CREB3L2: variants seen among roughly 807,000 people sequenced by gnomAD.
CREB3L2 encodes the protein cAMP responsive element binding protein 3 like 2.
CREB3L2 carries 23 observed loss-of-function variants against 57.2 expected under a neutral mutation model. The ratio of observed to expected loss-of-function variants is 0.40; its 90% CI spans 0.29 to 0.57. CREB3L2 has a LOEUF of 0.57. Among genes scored for constraint, CREB3L2 ranks in the 20% least tolerant of loss-of-function variants. The pLI is 0.42. For missense variants in CREB3L2, 628 were observed against 634.7 expected (o/e 0.99, Z 0.11); for synonymous variants, 268 against 265.1 (o/e 1.01, Z -0.11).
At chr7:137,901,814 T>C (rs961842439) in intron 7 of CREB3L2, among the ~76,000 whole-genome samples, 1 of 126,732 alleles carries the variant, frequency 7.9e-6, no homozygotes, top group South Asian at 2.6e-4. Flanking sequence ...AGGAGTCAGA[T>C]GTTGCAGTGA....
chr7:137,885,515 A>T lies in CREB3L2; in HGVS notation c.1044-13T>A, dbSNP rs776679403. ...CTGAAGGAGAGTCCTGCCAATGATAACAACAGCCGTGAGGGGAGTCTGACA... is the reference window on the plus strand; with the variant it reads ...CTGAAGGAGAGTCCTGCCAATGATATCAACAGCCGTGAGGGGAGTCTGACA... On this transcript the variant is annotated splice_polypyrimidine_tract_variant and intron_variant, in intron 8 of 11. Coordinates refer to ENST00000330387, the MANE Select transcript of CREB3L2 (RefSeq NM_194071.4). 1 of 1,599,284 alleles carries T rather than the reference A, an allele frequency of 6.3e-7. No homozygotes were observed.
intron 2 of CREB3L2, among the ~76,000 whole-genome samples, chr7:137,926,458 A>G (rs1394303545): frequency 1.3e-5 from 2 of 152,214 alleles, no homozygotes; most frequent in South Asian, 2.1e-4. Flanking sequence ...GGAAACCATC[A>G]TCCTCAGCAA....
chr7:137,951,040 A>G (rs1801083487), intron 1 of CREB3L2, among the ~76,000 whole-genome samples: 1 of 152,202 alleles, frequency 6.6e-6, no homozygotes, highest in Non-Finnish European at 1.5e-5. Flanking sequence ...GAGTGGCAAA[A>G]AATTTGAGTC....
chr7:137,928,892 G>C (rs1367198491), intron 1 of CREB3L2, among the ~76,000 whole-genome samples: 1 of 152,210 alleles, frequency 6.6e-6, no homozygotes, highest in Non-Finnish European at 1.5e-5. Flanking sequence ...GAATGGCAGA[G>C]TCACAATGCA....
At chr7:137,984,314 G>C (rs1417424081) in intron 1 of CREB3L2, among the ~76,000 whole-genome samples, 1 of 152,210 alleles carries the variant, frequency 6.6e-6, no homozygotes, top group Non-Finnish European at 1.5e-5. Flanking sequence ...TTTGCAGCTA[G>C]GGATGGCCAG....
At chr7:137,984,058 G>A (rs1801754803) in intron 1 of CREB3L2, among the ~76,000 whole-genome samples, 1 of 152,192 alleles carries the variant, frequency 6.6e-6, no homozygotes, top group African/African-American at 2.4e-5. Context: ...GTTTTTGGCT[G>A]AACAGAAGTA....
intron 2 of CREB3L2, 66 bp from the exon 3 acceptor site, chr7:137,916,078 G>T (rs1445854089): frequency 7.5e-7 from 1 of 1,331,734 alleles, no homozygotes; most frequent in Non-Finnish European, 1.0e-6. Flanking sequence ...CAAAACAAGC[G>T]ACCACTAGTC....
chr7:137,965,303 C>T (rs187220845), intron 1 of CREB3L2, among the ~76,000 whole-genome samples: 147 of 152,238 alleles, frequency 9.7e-4, no homozygotes, highest in African/African-American at 3.1e-3. Context: ...CTTTCCAACA[C>T]GCAGTATCAA....
chr7:137,895,560 C>A (rs1221780319), intron 8 of CREB3L2, among the ~76,000 whole-genome samples: 1 of 144,726 alleles, frequency 6.9e-6, no homozygotes. Context: ...GCCCTGTCCT[C>A]TTCCACTCTC....
At chr7:137,991,564 A>C (rs1011163600) in intron 1 of CREB3L2, among the ~76,000 whole-genome samples, 4 of 152,182 alleles carry the variant, frequency 2.6e-5, no homozygotes, top group Admixed American at 2.6e-4. Context: ...AGAATTTACA[A>C]AGTGATCACC....
At chr7:137,920,304 G>A (rs1042960300) in intron 2 of CREB3L2, among the ~76,000 whole-genome samples, 1 of 152,194 alleles carries the variant, frequency 6.6e-6, no homozygotes, top group Non-Finnish European at 1.5e-5. Context: ...TGTTGCTGTA[G>A]TTTTGCCATC....
Position 137,877,986 on chromosome 7 carries a change from T to G in CREB3L2, c.*2490A>C, listed in dbSNP as rs942235010. ...GCAAGGAGTGGAGGGCAGAGGTTTA[T>G]CTAAAAGAGCAGTGATGTTGGTTCT... On this transcript the variant is annotated 3_prime_UTR_variant, in exon 12 of 12. Coordinates refer to ENST00000330387, the MANE Select transcript of CREB3L2 (RefSeq NM_194071.4). The G allele has an allele frequency of 4.4e-6, 1 of 227,972 alleles. No individual in the cohort carries two copies. Among genetic ancestry groups the G allele is most frequent in the Non-Finnish European group, 8.7e-6 (1 of 114,888 alleles). The allele number at this position is 227,972 out of a possible 1,614,324, so 14.1% of individuals were successfully genotyped here.
chr7:137,975,484 T>C (rs532948736), intron 1 of CREB3L2, among the ~76,000 whole-genome samples: 2 of 152,292 alleles, frequency 1.3e-5, no homozygotes, highest in South Asian at 4.1e-4. Context: ...AGGGCCTTTG[T>C]CCTTTGTTCC....
At chr7:137,969,465 G>T (rs535653760) in intron 1 of CREB3L2, among the ~76,000 whole-genome samples, 1 of 147,576 alleles carries the variant, frequency 6.8e-6, no homozygotes. Context: ...TCCTGCCTCA[G>T]CCTCCCAAGT....
chr7:137,945,519 T>C (rs1013223808), intron 1 of CREB3L2, among the ~76,000 whole-genome samples: 2 of 152,264 alleles, frequency 1.3e-5, no homozygotes, highest in African/African-American at 4.8e-5. Flanking sequence ...ATTTTATGCA[T>C]GTTAACAAAT....
At chr7:137,900,661 G>A (rs572098605) in intron 8 of CREB3L2, among the ~76,000 whole-genome samples, 4 of 151,702 alleles carry the variant, frequency 2.6e-5, no homozygotes, top group Admixed American at 1.3e-4. Context: ...AAAATTAGCC[G>A]GACGTGGTGG....
At position 138,001,601 on chromosome 7, in the gene CREB3L2, C is replaced by T; in HGVS notation, c.102+3G>A. 6.2e-7 allele frequency: 1 copy of T among 1,610,334 alleles called. No individual in the cohort carries two copies. The highest frequency in any genetic ancestry group is 8.5e-7 in the Non-Finnish European group (1 of 1,177,886). On this transcript the variant is annotated splice_donor_region_variant and intron_variant, in intron 1 of 11. Coordinates refer to ENST00000330387, the MANE Select transcript of CREB3L2 (RefSeq NM_194071.4). The surrounding 1 kb of genome is among the most constrained non-coding windows in gnomAD (Gnocchi z 4.2). ...CCTCCTGCCCCGCCCGCCGGGTCCT[C>T]ACCGTGTGGTACATGAGGGCCTCGC...
chr7:137,996,902 A>G (rs1430620417), intron 1 of CREB3L2, among the ~76,000 whole-genome samples: 1 of 152,238 alleles, frequency 6.6e-6, no homozygotes, highest in Non-Finnish European at 1.5e-5. Context: ...AGTTTTTATG[A>G]TACACTTTTT....
chr7:137,957,697 C>T, intron 1 of CREB3L2: 1 of 1,017,480 alleles, frequency 9.8e-7, no homozygotes, highest in African/African-American at 1.7e-5. Context: ...ATAATTCCTA[C>T]TCCTTCCACT....
Sources: allele counts gnomAD v4.1 joint callset (sites outside exome capture counted in the v4.1 genomes callset), GRCh38; gene constraint gnomAD v4.1.1; non-coding constraint Gnocchi (gnomAD v3.1); transcripts MANE v1.5; gene names NCBI Gene and HGNC (gene_info 2026-07-23, HGNC 2026-07-21).